RAD51B: variants seen among roughly 807,000 people sequenced by gnomAD.
The protein encoded by RAD51B is RAD51 paralog B, also known as DNA repair protein RAD51 homolog 2.
Under a neutral mutation model 42.2 loss-of-function variants are expected in RAD51B, and 38 were observed. That is an observed-to-expected ratio of 0.90 (90% confidence interval 0.70 to 1.18). RAD51B has a LOEUF of 1.18. Ranked by LOEUF, RAD51B falls within the 50% of genes most tolerant of loss-of-function variation. The probability of loss-of-function intolerance (pLI) is 0.00; values close to 1 mark genes in which losing one functional copy is unlikely to be tolerated. For missense variants in RAD51B, 373 were observed against 400.7 expected (o/e 0.93, Z 0.59); for synonymous variants, 154 against 145.2 (o/e 1.06, Z -0.43).
intron 7 of RAD51B, among the ~76,000 whole-genome samples, chr14:68,208,733 T>TC (rs2079644196): frequency 1.3e-5 from 2 of 152,150 alleles, no homozygotes; most frequent in Non-Finnish European, 2.9e-5. Context: ...TGAACTCAGG[T>TC]TAACTGACCC....
intron 7 of RAD51B, among the ~76,000 whole-genome samples, chr14:68,270,078 A>G (rs1397255329): frequency 2.0e-5 from 3 of 152,254 alleles, no homozygotes; most frequent in Admixed American, 2.0e-4. Context: ...TACTAACCCT[A>G]AGAATAACTT....
intron 10 of RAD51B, among the ~76,000 whole-genome samples, chr14:68,502,327 C>T (rs1039305060): frequency 6.6e-6 from 1 of 152,184 alleles, no homozygotes; most frequent in Non-Finnish European, 1.5e-5. Flanking sequence ...CTGCACTCAG[C>T]CCCTACGAAA....
chr14:68,117,919 T>C (rs2077577551), intron 7 of RAD51B, among the ~76,000 whole-genome samples: 1 of 152,218 alleles, frequency 6.6e-6, no homozygotes, highest in Admixed American at 6.5e-5. Flanking sequence ...TTATGGACTA[T>C]AGAAGAAAAC....
At chr14:68,214,028 G>C (rs1470165560) in intron 7 of RAD51B, among the ~76,000 whole-genome samples, 3 of 152,114 alleles carry the variant, frequency 2.0e-5, no homozygotes. Context: ...AGAGAATGTG[G>C]CCTGATCTGT....
chr14:68,417,492 C>G (rs2084591083), intron 9 of RAD51B, among the ~76,000 whole-genome samples: 1 of 152,146 alleles, frequency 6.6e-6, no homozygotes, highest in African/African-American at 2.4e-5. Context: ...AGTGCTCTAA[C>G]AGGTATTAAG....
At chr14:67,943,046 A>T (rs1012169846) in intron 7 of RAD51B, among the ~76,000 whole-genome samples, 1 of 151,988 alleles carries the variant, frequency 6.6e-6, no homozygotes, top group African/African-American at 2.4e-5. Context: ...GATAAATAAG[A>T]TGGGTGGTCA....
chr14:68,540,766 G>A (rs1887920959), intron 10 of RAD51B: 1 of 985,412 alleles, frequency 1.0e-6, no homozygotes, highest in Non-Finnish European at 1.2e-6. Context: ...ATGACAGCTT[G>A]TGAGGACTCC....
intron 7 of RAD51B, among the ~76,000 whole-genome samples, chr14:68,235,101 A>G (rs1224312516): frequency 1.3e-5 from 2 of 152,048 alleles, no homozygotes; most frequent in Non-Finnish European, 2.9e-5. Flanking sequence ...CAAACCACTA[A>G]CATAGTCATT....
chr14:67,869,601 C>T (rs1363035832), intron 5 of RAD51B, among the ~76,000 whole-genome samples: 1 of 152,094 alleles, frequency 6.6e-6, no homozygotes, highest in East Asian at 1.9e-4. Context: ...CAAAGATACT[C>T]CTCAAGAAGA....
At chr14:68,049,652 G>C (rs1472369256) in intron 7 of RAD51B, among the ~76,000 whole-genome samples, 1 of 152,166 alleles carries the variant, frequency 6.6e-6, no homozygotes, top group East Asian at 1.9e-4. Flanking sequence ...AGATTTTGTT[G>C]TAAGAGTTTC....
chr14:67,825,495 T>C lies in RAD51B; in HGVS notation c.116T>C (p.Met39Thr). ...TTATGTCTTTCCCCACTGGAGCTTA[T>C]GAAGGTGACTGGTCTGAGTTATCGA... is the stretch of plus-strand genomic sequence containing the variant. ...DFLCLSPLEL[M>T]KVTGLSYRGV... is the part of the protein sequence containing the mutation. The change falls in exon 3 of 11, where the codon ATG (methionine) becomes ACG (threonine). Residue 39 changes from methionine (M) to threonine (T), a missense_variant. Met to Thr is a moderately conservative substitution (Grantham distance 81, BLOSUM62 -1). Transcript: ENST00000471583. 6.2e-7 allele frequency: 1 copy of C among 1,613,710 alleles called. No homozygotes were observed. The highest frequency in any genetic ancestry group is 8.5e-7 in the Non-Finnish European group (1 of 1,179,768).
chr14:68,588,575 C>A (rs1295112091), intron 10 of RAD51B, among the ~76,000 whole-genome samples: 3 of 152,142 alleles, frequency 2.0e-5, no homozygotes, highest in Non-Finnish European at 2.9e-5. Flanking sequence ...TGAATGAATG[C>A]GGTCTGGCAG....
At chr14:68,508,625 A>G (rs1372828966) in intron 10 of RAD51B, among the ~76,000 whole-genome samples, 2 of 151,912 alleles carry the variant, frequency 1.3e-5, no homozygotes, top group Non-Finnish European at 2.9e-5. Flanking sequence ...AAGGGTCTCC[A>G]CCCCAGGCCT....
downstream of RAD51B, among the ~76,000 whole-genome samples, chr14:68,479,688 T>TTTTG (rs34627518): frequency 1.0e-3 from 138 of 137,054 alleles, 3 homozygotes; most frequent in East Asian, 6.7e-3. Context: ...TTTTTTTTTT[T>TTTTG]GCCAGAGTCT....
chr14:68,682,999 G>A lies in RAD51B; in HGVS notation c.*11+32143G>A, dbSNP rs912095835. On this transcript the variant is annotated intron_variant, in intron 11 of 11. Transcript: ENST00000488612. Reference sequence around the variant, plus strand: ...GGAGAAAGCCAGCTCCATTAGTCACGCAGCAGCATATCCTGTCACAAAGGA... The same window carrying A: ...GGAGAAAGCCAGCTCCATTAGTCACACAGCAGCATATCCTGTCACAAAGGA... 1.8e-5 allele frequency: 18 copies of A among 976,798 alleles called. No individual in the cohort carries two copies. In the South Asian group the frequency reaches 2.0e-4, roughly 11 times the overall value. The allele number at this position is 976,798 out of a possible 1,614,324, so 60.5% of individuals were successfully genotyped here.
chr14:68,607,672 T>G (rs1891503668), intron 10 of RAD51B, among the ~76,000 whole-genome samples: 1 of 152,202 alleles, frequency 6.6e-6, no homozygotes, highest in African/African-American at 2.4e-5. Flanking sequence ...TCCCGGGGTC[T>G]CTGCACAAAG....
intron 5 of RAD51B, among the ~76,000 whole-genome samples, chr14:67,874,317 G>C (rs2042652100): frequency 6.6e-6 from 1 of 152,116 alleles, no homozygotes; most frequent in South Asian, 2.1e-4. Flanking sequence ...AATTTTAACA[G>C]GTTTGTTGAA....
chr14:68,377,793 T>A (rs2139975172), intron 8 of RAD51B, among the ~76,000 whole-genome samples: 1 of 152,370 alleles, frequency 6.6e-6, no homozygotes, highest in African/African-American at 2.4e-5. Context: ...GGAGTCACTG[T>A]CTTCACAGGC....
At chr14:68,529,467 C>T (rs556165863) in intron 10 of RAD51B, among the ~76,000 whole-genome samples, 11 of 152,284 alleles carry the variant, frequency 7.2e-5, no homozygotes, top group East Asian at 5.8e-4. Context: ...TAGGAAAGAA[C>T]GTTGAAAAAC....
Sources: gnomAD v4.1 joint callset for allele counts (sites outside exome capture counted in the v4.1 genomes callset) on GRCh38, gnomAD v4.1.1 for gene constraint, MANE v1.5 for transcripts, NCBI Gene and HGNC (gene_info 2026-07-23, HGNC 2026-07-21) for gene names.